Variants in LACTBL1 observed in about 807,000 individuals in gnomAD.
The protein encoded by LACTBL1 is beta-lactamase-like protein 1.
In LACTBL1, 29 loss-of-function variants were observed where a neutral mutation model predicts 39.6. The observed-to-expected ratio is 0.73, with a 90% CI of 0.55 to 1.00. LACTBL1 has a LOEUF of 1.00. LACTBL1 is among the 50% of genes least tolerant of loss of function. LACTBL1 has a pLI of 0.00. For synonymous variants in LACTBL1, 361 were observed against 360.7 expected (o/e 1.00, Z -0.01); for missense variants, 711 against 748.5 (o/e 0.95, Z 0.59).
In LACTBL1 at chr1:22,955,337, C is replaced by G. The variant is rs747796304; in HGVS notation, c.643G>C (p.Val215Leu). Reference sequence around the variant, plus strand: ...GCTCCTCACCTGGTTCCCGGGTCCACTACCAGCACATCGTCCTTGAGCAGG... The same window carrying G: ...GCTCCTCACCTGGTTCCCGGGTCCAGTACCAGCACATCGTCCTTGAGCAGG... The change falls in exon 5 of 6, where the codon GTG becomes CTG. Residue 215 changes from valine to leucine, a missense_variant. Physicochemically the swap from Val to Leu is conservative, Grantham distance 32 (BLOSUM62 1). Coordinates refer to ENST00000426928, the Ensembl canonical transcript of LACTBL1. 5.9e-5 allele frequency: 92 copies of G among 1,550,422 alleles called. No homozygotes were observed. In the East Asian group the frequency reaches 6.8e-4, roughly 12 times the overall value.
chr1:22,958,738 G>A (rs1240420581), exon 4 of LACTBL1: 1 of 1,550,576 alleles, frequency 6.4e-7, no homozygotes, highest in Non-Finnish European at 8.7e-7. Context: ...CCTTGGGGCG[G>A]GGCCCACCTG....
chr1:22,959,869 C>G, intron 3 of LACTBL1, 73 bp downstream of exon 5: 1 of 1,504,526 alleles, frequency 6.6e-7, no homozygotes, highest in Non-Finnish European at 9.0e-7. Flanking sequence ...TCTTCAGTAT[C>G]CTTACCTCCT....
At chr1:22,969,317 C>T (rs1377408243), upstream of LACTBL1, among the ~76,000 whole-genome samples, 1 of 151,908 alleles carries the variant, frequency 6.6e-6, no homozygotes, top group Non-Finnish European at 1.5e-5. Flanking sequence ...ATCAATAGTC[C>T]AGCACTATTT....
intron 2 of LACTBL1, among the ~76,000 whole-genome samples, chr1:22,961,978 C>T (rs1405769219): frequency 1.3e-5 from 2 of 151,378 alleles, no homozygotes; most frequent in Non-Finnish European, 1.5e-5. Flanking sequence ...GAACTCCTGA[C>T]CTCATGATCC....
intron 2 of LACTBL1, among the ~76,000 whole-genome samples, chr1:22,962,399 T>C (rs1039735699): frequency 3.9e-5 from 6 of 152,262 alleles, no homozygotes; most frequent in Admixed American, 6.5e-5. Context: ...CTGATCATGT[T>C]TCACTCATCT....
rs192308482 is a variant in LACTBL1, at chr1:22,955,219, C to A, written c.659+102G>T. 2.2e-3 allele frequency: 2,007 copies of A among 913,004 alleles called. 2 individuals are homozygous for A. The highest frequency in any genetic ancestry group is 3.0e-3 in the Non-Finnish European group (1,759 of 594,564). The allele number at this position is 913,004 out of a possible 1,614,324, so 56.6% of individuals were successfully genotyped here. A position where few individuals can be genotyped will look rare whatever the true frequency, so the allele number is the denominator to read the frequency against. On this transcript the variant is annotated intron_variant, in intron 5 of 5. Coordinates refer to ENST00000426928, the Ensembl canonical transcript of LACTBL1. ...CAGCTGGGGAGCAGGTCTCTCCCGGCTCTGCCAACCTAGGATGAGGTGATG... is the reference window on the plus strand; with the variant it reads ...CAGCTGGGGAGCAGGTCTCTCCCGGATCTGCCAACCTAGGATGAGGTGATG...
At chr1:22,972,487 G>C in the LACTBL1 span, 1 of 953,992 alleles carries the variant, frequency 1.0e-6, no homozygotes, top group Non-Finnish European at 1.2e-6. Flanking sequence ...GGTAGACGAG[G>C]ATGCGGGGGA....
At position 22,953,513 on chromosome 1, in the gene LACTBL1, G is replaced by A. The variant is rs1470970590; in HGVS notation, c.1171C>T (p.Arg391Trp). 5 of 1,234,600 alleles carry A rather than the reference G, an allele frequency of 4.0e-6. No homozygotes were observed. In the African/African-American group the frequency reaches 7.8e-5, roughly 19 times the overall value. The allele number at this position is 1,234,600 out of a possible 1,614,324, so 76.5% of individuals were successfully genotyped here. Residue 391 changes from arginine to tryptophan, a missense_variant, in exon 6 of 6, where the codon CGG (arginine) becomes TGG (tryptophan). Transcript: ENST00000426928. ...GCCACCAGGTCGGGCCCGGGCGGCC[G>A]TGGCCCTGCCAGCAGCAGCACCAGG...
chr1:22,953,136 A>C (rs1640719985), exon 6 of LACTBL1: 4 of 1,232,234 alleles, frequency 3.2e-6, no homozygotes, highest in African/African-American at 3.1e-5. Flanking sequence ...GCCCGTGGTG[A>C]TCCAAGGGGT....
At chr1:22,953,231 C>CGCA in exon 6 of LACTBL1, 1 of 1,232,056 alleles carries the variant, frequency 8.1e-7, no homozygotes, top group Non-Finnish European at 1.0e-6. Flanking sequence ...TCGTGGGCCA[C>CGCA]GTGCAGCTGG....
the LACTBL1 span, among the ~76,000 whole-genome samples, chr1:22,971,238 C>T: frequency 6.6e-6 from 1 of 152,124 alleles, no homozygotes; most frequent in East Asian, 1.9e-4. Flanking sequence ...CCTCAAAATG[C>T]AGCTGGGATC....
At chr1:22,953,859 C>G in exon 6 of LACTBL1, 3 of 1,548,708 alleles carry the variant, frequency 1.9e-6, no homozygotes, top group Non-Finnish European at 2.6e-6. Context: ...CGTAGAAGCC[C>G]GCGGCCAGGC....
In LACTBL1 at chr1:22,958,746, C is replaced by T. The variant is rs748935748; in HGVS notation, c.492G>A (p.Gln164=). The stretch of plus-strand genomic sequence containing the variant: ...GTGAAGGCCTTGGGGCGGGGCCCAC[C>T]TGCTCCAGCCCGTCCATCAGGCCCT... The change falls in exon 4 of 6, where the codon CAG becomes CAA. Residue 164 remains glutamine, a synonymous_variant. Transcript: ENST00000426928. 2.6e-6 allele frequency: 4 copies of T among 1,550,646 alleles called. No individual in the cohort carries two copies. In the South Asian group the frequency reaches 4.8e-5, roughly 18 times the overall value.
intron 2 of LACTBL1, among the ~76,000 whole-genome samples, chr1:22,960,908 T>A (rs1640815407): frequency 6.6e-6 from 1 of 152,072 alleles, no homozygotes. Context: ...ACCTGTGGAG[T>A]AGCTAGAAGT....
At chr1:22,962,607 C>T (rs1441549686) in intron 2 of LACTBL1, among the ~76,000 whole-genome samples, 1 of 152,152 alleles carries the variant, frequency 6.6e-6, no homozygotes, top group African/African-American at 2.4e-5. Context: ...TTCCCTACTT[C>T]CCACCTATGG....
intron 2 of LACTBL1, among the ~76,000 whole-genome samples, chr1:22,960,927 A>G (rs1640815724): frequency 6.6e-6 from 1 of 152,142 alleles, no homozygotes; most frequent in African/African-American, 2.4e-5. Flanking sequence ...GTACAGGCAC[A>G]TGCTACCACA....
chr1:22,953,091 C>G, exon 6 of LACTBL1: 1 of 1,232,248 alleles, frequency 8.1e-7, no homozygotes, highest in Non-Finnish European at 1.0e-6. Context: ...GCACTCTGTA[C>G]GTGTTGAGGC....
At chr1:22,962,361 C>T (rs1433736490) in intron 2 of LACTBL1, among the ~76,000 whole-genome samples, 2 of 152,120 alleles carry the variant, frequency 1.3e-5, no homozygotes, top group African/African-American at 4.8e-5. Flanking sequence ...TTTTGAGTCT[C>T]CCCCACCATG....
chr1:22,965,644 C>T (rs756163699), upstream of LACTBL1, among the ~76,000 whole-genome samples: 1 of 152,128 alleles, frequency 6.6e-6, no homozygotes, highest in Non-Finnish European at 1.5e-5. Context: ...CTTGCTGTAC[C>T]TTGTTCCCCT....
Sources: allele counts gnomAD v4.1 joint callset (sites outside exome capture counted in the v4.1 genomes callset), GRCh38; gene constraint gnomAD v4.1.1; transcripts MANE v1.5; gene names NCBI Gene and HGNC (gene_info 2026-07-23, HGNC 2026-07-21).